The following AP4E1 variants were observed in gnomAD, a reference collection of about 807,000 sequenced individuals.
The protein encoded by AP4E1 is AP-4 complex subunit epsilon-1.
Under a neutral mutation model 128.2 loss-of-function variants are expected in AP4E1, and 56 were observed. The observed-to-expected ratio is 0.44, with a 90% confidence interval of 0.35 to 0.55. The LOEUF (loss-of-function observed/expected upper bound fraction) is 0.55, where lower values mean the gene tolerates loss of function less well. Ranked by LOEUF, AP4E1 falls within the 20% of genes least tolerant of loss-of-function variation. The pLI is 0.00. For synonymous variants in AP4E1, 484 were observed against 473.1 expected (o/e 1.02, Z -0.30); for missense variants, 1,324 against 1,307.7 (o/e 1.01, Z -0.19).
intron 13 of AP4E1, among the ~76,000 whole-genome samples, chr15:50,953,112 C>CT (rs1197942986): frequency 6.6e-6 from 1 of 152,122 alleles, no homozygotes; most frequent in African/African-American, 2.4e-5. Context: ...GGTATCTTTC[C>CT]TTTTTGTAAT....
At chr15:50,929,423 GGT>G (rs969818189) in intron 6 of AP4E1, among the ~76,000 whole-genome samples, 5 of 150,914 alleles carry the variant, frequency 3.3e-5, no homozygotes, top group Non-Finnish European at 7.4e-5. Context: ...ATCAGTGGAA[GGT>G]GTCTTAAGTT....
chr15:50,996,137 C>T (rs533327003), intron 17 of AP4E1, among the ~76,000 whole-genome samples: 11 of 148,736 alleles, frequency 7.4e-5, no homozygotes, highest in South Asian at 2.1e-4. Context: ...TACAGGCATG[C>T]GCTACCACGC....
chr15:51,001,011 A>T lies in AP4E1; in HGVS notation c.3096-15A>T. Reference sequence around the variant, plus strand: ...CTGTTTTTGACATATATCTAATTTTAAAAATTATTTTCAGACCATTAAAAA... The same window carrying T: ...CTGTTTTTGACATATATCTAATTTTTAAAATTATTTTCAGACCATTAAAAA... On this transcript the variant is annotated splice_polypyrimidine_tract_variant and intron_variant, in intron 19 of 20. Coordinates refer to ENST00000261842, the MANE Select transcript of AP4E1 (RefSeq NM_007347.5). The T allele has an allele frequency of 6.3e-7, 1 of 1,596,964 alleles. No individual in the cohort carries two copies. Among genetic ancestry groups the T allele is most frequent in the Non-Finnish European group, 8.6e-7 (1 of 1,165,790 alleles).
intron 15 of AP4E1, among the ~76,000 whole-genome samples, chr15:50,969,092 C>G (rs552882415): frequency 6.6e-6 from 1 of 151,590 alleles, no homozygotes; most frequent in African/African-American, 2.4e-5. Context: ...GTTTATTGTA[C>G]AGCTTATTTC....
chr15:50,940,878 A>G (rs1206567908), intron 8 of AP4E1, among the ~76,000 whole-genome samples: 1 of 152,178 alleles, frequency 6.6e-6, no homozygotes, highest in Non-Finnish European at 1.5e-5. Context: ...ATTTTAAAGA[A>G]TAGTTTGAAG....
intron 16 of AP4E1, among the ~76,000 whole-genome samples, chr15:50,985,756 C>G (rs2064713343): frequency 6.6e-6 from 1 of 152,282 alleles, no homozygotes; most frequent in African/African-American, 2.4e-5. Context: ...ATGCCTCCAG[C>G]TTTGTTCTTT....
At chr15:50,994,824 A>G (rs1037026176) in intron 17 of AP4E1, among the ~76,000 whole-genome samples, 4 of 152,192 alleles carry the variant, frequency 2.6e-5, no homozygotes, top group Non-Finnish European at 5.9e-5. Flanking sequence ...TTTTTTCCTT[A>G]GGAGAACATT....
intron 2 of AP4E1, among the ~76,000 whole-genome samples, chr15:50,913,091 A>G (rs569622121): frequency 3.3e-5 from 5 of 152,356 alleles, no homozygotes; most frequent in Admixed American, 3.3e-4. Flanking sequence ...AAATATCAGG[A>G]CGATCATTTT....
rs886770841 is a variant in AP4E1 at position 50,965,150 on chromosome 15, AT to A, written c.1852-3103del. Among the ~76,000 whole-genome samples the A allele has an allele frequency of 5.3e-3, 801 of 149,890 alleles. 5 individuals are homozygous for A. Among genetic ancestry groups the A allele is most frequent in the African/African-American group, 0.019 (755 of 40,808 alleles). ...GCAGATCCGCGAGTCAATGAAACCT[AT>A]TTTTTTTTTCTTATAAATTACCCAG... On this transcript the variant is annotated intron_variant, in intron 14 of 20. Transcript: ENST00000261842.
rs539570939 is a variant in AP4E1, at chr15:50,946,607, T to A, written c.1177-1413T>A. On this transcript the variant is annotated intron_variant, in intron 10 of 20. Coordinates refer to ENST00000261842, the MANE Select transcript of AP4E1 (RefSeq NM_007347.5). ...AATATGTTATCCTTTCTGCTTTAAG[T>A]CCTGGCTGTAAGGATTGAAAAATTA... 1.4e-4 allele frequency among the ~76,000 whole-genome samples: 21 copies of A among 152,298 alleles called. No individual in the cohort carries two copies. The South Asian group carries it at 4.4e-3, about 32-fold the overall frequency.
In AP4E1 at chr15:51,002,565, T is replaced by C; in HGVS notation, c.3317T>C (p.Val1106Ala). ...PSIPCLLHCR[V>A]HADVLALWFR... Reference sequence around the variant, plus strand: ...ATCCCCTGCTTACTGCATTGCCGAGTTCATGCAGATGTATTAGCCCTGTGG... The same window carrying C: ...ATCCCCTGCTTACTGCATTGCCGAGCTCATGCAGATGTATTAGCCCTGTGG... Residue 1106 changes from valine to alanine, a missense_variant, in exon 21 of 21, where the codon GTT (valine) becomes GCT (alanine). Coordinates refer to ENST00000261842, the MANE Select transcript of AP4E1 (RefSeq NM_007347.5). 6 of 1,614,174 alleles carry C rather than the reference T, an allele frequency of 3.7e-6. No homozygotes were observed. Among genetic ancestry groups the C allele is most frequent in the Non-Finnish European group, 5.1e-6 (6 of 1,180,018 alleles).
At chr15:50,994,816 T>G (rs946677746) in intron 17 of AP4E1, among the ~76,000 whole-genome samples, 3 of 152,204 alleles carry the variant, frequency 2.0e-5, no homozygotes, top group African/African-American at 7.2e-5. Flanking sequence ...CAGTTAGATT[T>G]TTTCCTTAGG....
rs867902073 is a variant in AP4E1, at chr15:50,963,898, G to A, written c.1852-4365G>A. On this transcript the variant is annotated intron_variant, in intron 14 of 20. Transcript: ENST00000261842. ...TCTGTATTAAAAGAGACTGTCACAG[G>A]ATATAAATATCTTCACTGCAGTTTT... Among the ~76,000 whole-genome samples, 4 of 152,182 alleles carry A rather than the reference G, an allele frequency of 2.6e-5. No homozygotes were observed. The South Asian group carries it at 8.3e-4, about 32-fold the overall frequency.
chr15:50,932,945 A>T (rs1341807137), intron 7 of AP4E1, among the ~76,000 whole-genome samples: 2 of 152,216 alleles, frequency 1.3e-5, no homozygotes, highest in African/African-American at 4.8e-5. Context: ...TTTATGTTTT[A>T]AAATCATGAA....
chr15:50,952,531 T>G (rs1003901523), intron 13 of AP4E1, among the ~76,000 whole-genome samples: 2 of 149,450 alleles, frequency 1.3e-5, no homozygotes, highest in Admixed American at 6.7e-5. Context: ...AAAAAAGAAG[T>G]GTACAGTAAT....
At chr15:50,940,251 C>T (rs1287777694) in intron 8 of AP4E1, among the ~76,000 whole-genome samples, 1 of 152,124 alleles carries the variant, frequency 6.6e-6, no homozygotes, top group African/African-American at 2.4e-5. Flanking sequence ...AGCCAACTTA[C>T]TCTGTAGTTT....
intron 14 of AP4E1, among the ~76,000 whole-genome samples, chr15:50,966,738 T>C (rs1187786747): frequency 6.6e-6 from 1 of 152,056 alleles, no homozygotes; most frequent in East Asian, 1.9e-4. Flanking sequence ...GGTTTCACCA[T>C]GTTGGTCAGG....
chr15:50,980,248 C>T (rs1344208496), intron 15 of AP4E1, among the ~76,000 whole-genome samples: 2 of 152,070 alleles, frequency 1.3e-5, no homozygotes, highest in Non-Finnish European at 2.9e-5. Context: ...TGGAGTAAGG[C>T]CATCTTTCTT....
intron 13 of AP4E1, among the ~76,000 whole-genome samples, chr15:50,952,560 A>G (rs956584670): frequency 1.3e-5 from 2 of 151,814 alleles, no homozygotes; most frequent in African/African-American, 2.4e-5. Flanking sequence ...ATCACCTGCT[A>G]TACTGTCCAT....
Sources: allele counts gnomAD v4.1 joint callset (sites outside exome capture counted in the v4.1 genomes callset), GRCh38; gene constraint gnomAD v4.1.1; transcripts MANE v1.5; gene names NCBI Gene and HGNC (gene_info 2026-07-23, HGNC 2026-07-21).